PLEKHG1: variants seen among roughly 807,000 people sequenced by gnomAD.
PLEKHG1 encodes pleckstrin homology domain-containing family G member 1.
PLEKHG1 carries 44 observed loss-of-function variants against 100.8 expected under a neutral mutation model. That is an observed-to-expected ratio of 0.44 (90% CI 0.34 to 0.56). The LOEUF is 0.56. Ranked by LOEUF, PLEKHG1 falls within the 20% of genes least tolerant of loss-of-function variation. The probability of loss-of-function intolerance (pLI) is 0.01; values close to 1 mark genes in which losing one functional copy is unlikely to be tolerated. For missense variants in PLEKHG1, 1,545 were observed against 1,720.9 expected, an observed-to-expected ratio of 0.90 and a Z score of 1.81; for synonymous variants, 640 against 662.5, an observed-to-expected ratio of 0.97 and a Z score of 0.52.
intron 5 of PLEKHG1, among the ~76,000 whole-genome samples, chr6:150,798,670 A>G (rs942367032): frequency 6.6e-6 from 1 of 152,226 alleles, no homozygotes; most frequent in Non-Finnish European, 1.5e-5. Context: ...AAGATCAAAT[A>G]AATATAAATT....
chr6:150,707,419 G>A (rs1245682324), intron 3 of PLEKHG1, among the ~76,000 whole-genome samples: 1 of 152,136 alleles, frequency 6.6e-6, no homozygotes, highest in Non-Finnish European at 1.5e-5. Context: ...GTCCGGATGT[G>A]CCCACGTGTA....
chr6:150,751,122 G>A (rs1251195166), intron 2 of PLEKHG1, among the ~76,000 whole-genome samples: 1 of 152,128 alleles, frequency 6.6e-6, no homozygotes, highest in African/African-American at 2.4e-5. Context: ...ATATTGTTAT[G>A]CTTCCTAATC....
At chr6:150,660,002 G>T (rs952754723) in intron 3 of PLEKHG1, among the ~76,000 whole-genome samples, 6 of 151,828 alleles carry the variant, frequency 4.0e-5, no homozygotes, top group African/African-American at 1.5e-4. Flanking sequence ...AAGCTAAGTT[G>T]GTTTCAGATA....
intron 4 of PLEKHG1, among the ~76,000 whole-genome samples, chr6:150,793,927 CA>C (rs1786150607): frequency 6.6e-6 from 1 of 151,932 alleles, no homozygotes; most frequent in Admixed American, 6.6e-5. Flanking sequence ...ACTAAAAATG[CA>C]AAAATTAGCC....
intron 3 of PLEKHG1, among the ~76,000 whole-genome samples, chr6:150,688,310 CCTTT>C (rs1303601619): frequency 1.4e-4 from 19 of 136,746 alleles, no homozygotes; most frequent in African/African-American, 5.1e-4. Flanking sequence ...ACATTTTCTT[CCTTT>C]GTTTTTTTTT....
intron 6 of PLEKHG1, among the ~76,000 whole-genome samples, chr6:150,801,355 T>C (rs747001878): frequency 6.6e-6 from 1 of 152,128 alleles, no homozygotes; most frequent in Non-Finnish European, 1.5e-5. Context: ...TCTTATATTA[T>C]TTTCCACTAC....
At chr6:150,637,139 G>A (rs1030235808) in intron 1 of PLEKHG1, among the ~76,000 whole-genome samples, 15 of 152,148 alleles carry the variant, frequency 9.9e-5, no homozygotes, top group African/African-American at 3.4e-4. Flanking sequence ...TATTTCTATA[G>A]CCAAACTATG....
rs78439241 is a variant in PLEKHG1 at position 150,658,354 on chromosome 6, C to T, written c.-99+7568C>T. On this transcript the variant is annotated intron_variant, in intron 3 of 3. Coordinates refer to the PLEKHG1 transcript ENST00000367326. ...ATTGATCTTAAGTCCTGTATTAAGG[C>T]GAGTATTTTCTTTTAATATTCTTTG... Among the ~76,000 whole-genome samples, 877 of 152,126 alleles carry T rather than the reference C, an allele frequency of 5.8e-3. 5 individuals are homozygous for T. The highest frequency in any genetic ancestry group is 0.02 in the African/African-American group (844 of 41,500).
chr6:150,798,805 T>C (rs1368041173), intron 5 of PLEKHG1, among the ~76,000 whole-genome samples: 1 of 152,192 alleles, frequency 6.6e-6, no homozygotes, highest in African/African-American at 2.4e-5. Context: ...CAGTGGCATG[T>C]TCTCACCTCA....
chr6:150,713,198 T>C (rs1226507663), intron 3 of PLEKHG1, among the ~76,000 whole-genome samples: 3 of 152,110 alleles, frequency 2.0e-5, no homozygotes, highest in South Asian at 2.1e-4. Flanking sequence ...GTTCAGAACT[T>C]TGTGGCAACA....
At chr6:150,696,112 G>A (rs1448797693) in intron 3 of PLEKHG1, among the ~76,000 whole-genome samples, 1 of 152,214 alleles carries the variant, frequency 6.6e-6, no homozygotes. Flanking sequence ...ATGTTGTAAT[G>A]AGGAAGAATT....
At chr6:150,789,967 C>T (rs373900310) in intron 4 of PLEKHG1, among the ~76,000 whole-genome samples, 12 of 152,176 alleles carry the variant, frequency 7.9e-5, no homozygotes, top group African/African-American at 2.7e-4. Context: ...TGTGAAACTG[C>T]AGGCCCAGGG....
chr6:150,693,959 A>G (rs1410884494), intron 3 of PLEKHG1, among the ~76,000 whole-genome samples: 2 of 152,218 alleles, frequency 1.3e-5, no homozygotes, highest in African/African-American at 2.4e-5. Flanking sequence ...TTCCCAGCCA[A>G]GTCGGTACAG....
chr6:150,808,422 T>G (rs572951152), intron 7 of PLEKHG1, among the ~76,000 whole-genome samples: 19,209 of 146,306 alleles, frequency 0.13, 1,557 homozygotes, highest in East Asian at 0.46. Context: ...TCTGAAGGAG[T>G]TTTTTTTTTT....
At chr6:150,617,401 CCCTAG>C (rs1393780695) in intron 1 of PLEKHG1, among the ~76,000 whole-genome samples, 2 of 152,112 alleles carry the variant, frequency 1.3e-5, no homozygotes, top group African/African-American at 4.8e-5. Context: ...AAACTTGATG[CCCTAG>C]TGAAATTTAA....
chr6:150,779,811 A>C (rs1785207719), intron 3 of PLEKHG1, among the ~76,000 whole-genome samples: 1 of 151,626 alleles, frequency 6.6e-6, no homozygotes, highest in African/African-American at 2.4e-5. Flanking sequence ...CTAAAAATAC[A>C]AAAAATTAGT....
Position 150,681,425 on chromosome 6 carries a change from T to C in PLEKHG1, c.-99+30639T>C, listed in dbSNP as rs541135659. On this transcript the variant is annotated intron_variant, in intron 3 of 3. Coordinates refer to the PLEKHG1 transcript ENST00000367326. ...TGCTCGGGAGGCTGAGACAGAGGAATCACTTGAACCCAGGAGGCAGAGGTG... is the reference window on the plus strand; with the variant it reads ...TGCTCGGGAGGCTGAGACAGAGGAACCACTTGAACCCAGGAGGCAGAGGTG... 4.0e-5 allele frequency among the ~76,000 whole-genome samples: 6 copies of C among 151,304 alleles called. No homozygotes were observed. In the South Asian group the frequency reaches 1.0e-3, roughly 26 times the overall value.
chr6:150,682,151 G>A (rs983646218), intron 3 of PLEKHG1, among the ~76,000 whole-genome samples: 78 of 152,254 alleles, frequency 5.1e-4, no homozygotes, highest in Non-Finnish European at 6.0e-4. Flanking sequence ...TGAGGCCTGA[G>A]CCTGCATGTC....
chr6:150,613,036 C>T (rs544538913), intron 1 of PLEKHG1, among the ~76,000 whole-genome samples: 6 of 152,296 alleles, frequency 3.9e-5, no homozygotes, highest in African/African-American at 4.8e-5. Flanking sequence ...TAGTCTGGCC[C>T]CTGCTCTGCT....
Sources: allele counts gnomAD v4.1 joint callset (sites outside exome capture counted in the v4.1 genomes callset), GRCh38; gene constraint gnomAD v4.1.1; transcripts MANE v1.5; gene names NCBI Gene and HGNC (gene_info 2026-07-23, HGNC 2026-07-21).